PDE1C: variants seen among roughly 807,000 people sequenced by gnomAD.
PDE1C encodes dual specificity calcium/calmodulin-dependent 3',5'-cyclic nucleotide phosphodiesterase 1C.
PDE1C carries 62 observed loss-of-function variants against 93.1 expected under a neutral mutation model. That is an observed-to-expected ratio of 0.67 (90% CI 0.54 to 0.82). PDE1C has a LOEUF of 0.82. Ranked by LOEUF, PDE1C falls within the 40% of genes least tolerant of loss-of-function variation. The pLI, the probability that PDE1C is intolerant of heterozygous loss-of-function variation, is 0.00. For missense variants in PDE1C, 742 were observed against 884.6 expected, an observed-to-expected ratio of 0.84 and a Z score of 2.04; for synonymous variants, 325 against 310.1, an observed-to-expected ratio of 1.05 and a Z score of -0.50.
Position 32,200,397 on chromosome 7 carries a change from T to C in PDE1C, c.136+9092A>G, listed in dbSNP as rs546296701. Among the ~76,000 whole-genome samples, 3 of 152,314 alleles carry C rather than the reference T, an allele frequency of 2.0e-5. No homozygotes were observed. The South Asian group carries it at 6.2e-4, about 32-fold the overall frequency. On this transcript the variant is annotated intron_variant, in intron 2 of 18. Coordinates refer to the PDE1C transcript ENST00000396193. ...AAGTGTTCCTGGACCTTTCAGGTAG[T>C]TTCAATTGCCCAGGGAAGACTTTTC...
chr7:32,311,881 C>T (rs1281912421), intron 1 of PDE1C, among the ~76,000 whole-genome samples: 2 of 152,142 alleles, frequency 1.3e-5, no homozygotes, highest in Admixed American at 6.5e-5. Flanking sequence ...TCCTATTCAA[C>T]ATAGTGTTGG....
At chr7:32,324,782 A>G (rs1271110774) in intron 1 of PDE1C, among the ~76,000 whole-genome samples, 2 of 152,126 alleles carry the variant, frequency 1.3e-5, no homozygotes, top group Non-Finnish European at 2.9e-5. Context: ...GACCTCATCT[A>G]TATGAAAAAT....
At chr7:32,314,733 C>T (rs6462352) in intron 1 of PDE1C, among the ~76,000 whole-genome samples, 22,284 of 151,958 alleles carry the variant, frequency 0.15, 1,902 homozygotes, top group East Asian at 0.39. Context: ...AACAGAATTA[C>T]CGAGAGCACC....
intron 16 of PDE1C, chr7:31,788,910 T>C (rs1430688432): frequency 6.6e-6 from 1 of 152,156 alleles, no homozygotes; most frequent in Non-Finnish European, 1.5e-5. Context: ...ATACAGTCTC[T>C]TTCTTTCTGC....
intron 9 of PDE1C, among the ~76,000 whole-genome samples, chr7:31,842,215 G>A (rs1302428013): frequency 6.6e-6 from 1 of 152,042 alleles, no homozygotes; most frequent in African/African-American, 2.4e-5. Context: ...ATATTTTACT[G>A]AGAATTGTTA....
intron 2 of PDE1C, among the ~76,000 whole-genome samples, chr7:32,002,327 G>A (rs976310374): frequency 6.6e-6 from 1 of 152,154 alleles, no homozygotes. Flanking sequence ...ACGCAGGAGA[G>A]TCCTGCTACC....
the PDE1C span, among the ~76,000 whole-genome samples, chr7:31,715,818 T>C: frequency 6.6e-6 from 1 of 152,168 alleles, no homozygotes; most frequent in African/African-American, 2.4e-5. Context: ...GGTAAACAGG[T>C]CTGAGACTCA....
intron 14 of PDE1C, among the ~76,000 whole-genome samples, chr7:31,817,675 A>G (rs1237496487): frequency 1.3e-5 from 2 of 152,152 alleles, no homozygotes; most frequent in African/African-American, 4.8e-5. Context: ...TCAGGTGTTT[A>G]CTTTATTTCT....
chr7:31,740,895 C>G, the PDE1C span, among the ~76,000 whole-genome samples: 1 of 151,722 alleles, frequency 6.6e-6, no homozygotes, highest in African/African-American at 2.4e-5. Flanking sequence ...GTAGCAAGAC[C>G]CTGTCTCTAC....
chr7:31,873,027 C>A (rs1293748672), intron 6 of PDE1C, among the ~76,000 whole-genome samples: 1 of 152,138 alleles, frequency 6.6e-6, no homozygotes. Flanking sequence ...TTGGTTATTA[C>A]AGGCTTTGGG....
intron 17 of PDE1C, among the ~76,000 whole-genome samples, chr7:31,767,173 T>C (rs574050580): frequency 6.6e-6 from 1 of 152,372 alleles, no homozygotes; most frequent in Admixed American, 6.5e-5. Context: ...TTTGCTTCTC[T>C]GTCTTCCTTT....
At chr7:32,362,973 G>T (rs1784162180) in intron 1 of PDE1C, among the ~76,000 whole-genome samples, 1 of 152,200 alleles carries the variant, frequency 6.6e-6, no homozygotes, top group African/African-American at 2.4e-5. Context: ...TGGGGGAGAA[G>T]AAGGAAGCCA....
At position 31,847,991 on chromosome 7, in the gene PDE1C, A is replaced by C. The variant is rs1258017732; in HGVS notation, c.957T>G (p.Ile319Met). ...LQDDEEMNIL[I>M]NLSKDDWREF... is the part of the protein sequence containing the mutation. Reference sequence around the variant, plus strand: ...ACCTCCAGTCATCCTTTGAGAGGTTAATCAAAATATTCATTTCCTCGTCAT... The same window carrying C: ...ACCTCCAGTCATCCTTTGAGAGGTTCATCAAAATATTCATTTCCTCGTCAT... Residue 319 changes from isoleucine to methionine, a missense_variant, in exon 9 of 18, where the codon ATT becomes ATG. Ile to Met is a conservative substitution (Grantham distance 10). Transcript: ENST00000396191. The C allele has an allele frequency of 6.2e-7, 1 of 1,612,950 alleles. No individual in the cohort carries two copies. The highest frequency in any genetic ancestry group is 1.1e-5 in the South Asian group (1 of 91,068).
chr7:32,309,153 T>A (rs1813101758), intron 1 of PDE1C, among the ~76,000 whole-genome samples: 1 of 152,122 alleles, frequency 6.6e-6, no homozygotes, highest in Non-Finnish European at 1.5e-5. Context: ...ATATCAGTGA[T>A]GGAAGACGAA....
chr7:32,147,907 C>A (rs535700615), intron 3 of PDE1C, among the ~76,000 whole-genome samples: 97 of 147,898 alleles, frequency 6.6e-4, no homozygotes, highest in Non-Finnish European at 1.2e-3. Context: ...TAATAACAGG[C>A]CCCAAACTTT....
chr7:31,696,781 A>T, the PDE1C span, among the ~76,000 whole-genome samples: 3 of 152,228 alleles, frequency 2.0e-5, no homozygotes, highest in Non-Finnish European at 4.4e-5. Context: ...TTTTGTATAG[A>T]CAAGGTTCCT....
intron 1 of PDE1C, among the ~76,000 whole-genome samples, chr7:32,412,978 G>C (rs1344468179): frequency 2.0e-5 from 3 of 152,298 alleles, no homozygotes; most frequent in Non-Finnish European, 4.4e-5. Context: ...GAAGGGTCAT[G>C]AGGAAACTCA....
the PDE1C span, among the ~76,000 whole-genome samples, chr7:31,678,532 T>C: frequency 6.6e-6 from 1 of 151,986 alleles, no homozygotes; most frequent in South Asian, 2.1e-4. Context: ...AATGTAAAAA[T>C]AAAGGATGAG....
intron 3 of PDE1C, among the ~76,000 whole-genome samples, chr7:32,150,015 C>T (rs754045424): frequency 1.1e-4 from 16 of 152,120 alleles, no homozygotes; most frequent in Non-Finnish European, 1.9e-4. Flanking sequence ...ATCTAAGTTC[C>T]TGGGTGGGTC....
Sources: gnomAD v4.1 joint callset for allele counts (sites outside exome capture counted in the v4.1 genomes callset) on GRCh38, gnomAD v4.1.1 for gene constraint, MANE v1.5 for transcripts, NCBI Gene and HGNC (gene_info 2026-07-23, HGNC 2026-07-21) for gene names.